Variants in MAF observed in about 807,000 individuals in gnomAD.
MAF encodes MAF bZIP transcription factor.
A neutral mutation model predicts 22.0 loss-of-function variants in MAF; 10 were observed. That is an observed-to-expected ratio of 0.45 (90% CI 0.28 to 0.77). MAF has a LOEUF of 0.77. Ranked by LOEUF, MAF falls within the 30% of genes least tolerant of loss-of-function variation. MAF has a pLI of 0.12. For synonymous variants in MAF, 337 were observed against 255.8 expected (o/e 1.32, Z -3.03); for missense variants, 544 against 548.4 (o/e 0.99, Z 0.08).
chr16:79,320,953 A>G, the MAF span, among the ~76,000 whole-genome samples: 1 of 152,220 alleles, frequency 6.6e-6, no homozygotes, highest in African/African-American at 2.4e-5. Flanking sequence ...CAGTAAATGA[A>G]GAAGATGGGA....
the MAF span, among the ~76,000 whole-genome samples, chr16:79,485,911 C>G: frequency 6.6e-6 from 1 of 152,184 alleles, no homozygotes; most frequent in East Asian, 1.9e-4. Context: ...ACTAATAAAG[C>G]ATCCAACCAA....
the MAF span, among the ~76,000 whole-genome samples, chr16:79,507,061 T>G: frequency 7.9e-5 from 12 of 152,088 alleles, no homozygotes; most frequent in Admixed American, 5.2e-4. Flanking sequence ...GCTGTTTGTG[T>G]GTACCACTAG....
chr16:79,401,540 C>G, the MAF span, among the ~76,000 whole-genome samples: 2 of 152,104 alleles, frequency 1.3e-5, no homozygotes, highest in Admixed American at 1.3e-4. Flanking sequence ...TAAATTGTTG[C>G]TCTTTCTACA....
At chr16:79,596,964 A>C (rs1913568640) in intron 1 of MAF, 6 of 1,051,698 alleles carry the variant, frequency 5.7e-6, no homozygotes, top group Non-Finnish European at 6.9e-6. Flanking sequence ...GAAAAGAAAA[A>C]AAAACATACA....
the MAF span, among the ~76,000 whole-genome samples, chr16:79,419,837 A>G: frequency 1.2e-4 from 19 of 152,238 alleles, 1 homozygote; most frequent in Middle Eastern, 3.4e-3. Flanking sequence ...TGATCTGTTC[A>G]TCCATTAACC....
chr16:79,525,108 G>A, the MAF span, among the ~76,000 whole-genome samples: 6 of 152,224 alleles, frequency 3.9e-5, no homozygotes, highest in South Asian at 8.3e-4. Flanking sequence ...CCTTCCTTAC[G>A]ATTTAACGCT....
At chr16:79,362,794 G>C in the MAF span, among the ~76,000 whole-genome samples, 1 of 152,168 alleles carries the variant, frequency 6.6e-6, no homozygotes, top group African/African-American at 2.4e-5. Flanking sequence ...GGGAACACCT[G>C]GTGCTCTACT....
chr16:79,300,033 C>G, the MAF span, among the ~76,000 whole-genome samples: 1 of 152,178 alleles, frequency 6.6e-6, no homozygotes, highest in African/African-American at 2.4e-5. Context: ...TGGCTCCCAC[C>G]TGGCGTCTCT....
chr16:79,264,272 T>C, the MAF span, among the ~76,000 whole-genome samples: 1 of 152,158 alleles, frequency 6.6e-6, no homozygotes, highest in Non-Finnish European at 1.5e-5. Flanking sequence ...TTTGGACAGT[T>C]GTAAGGGAAC....
the MAF span, among the ~76,000 whole-genome samples, chr16:79,329,765 T>C: frequency 1.8e-4 from 27 of 152,278 alleles, no homozygotes; most frequent in Non-Finnish European, 2.8e-4. Flanking sequence ...CTATAGTATA[T>C]AATCTAATTA....
At chr16:79,292,230 T>C in the MAF span, among the ~76,000 whole-genome samples, 319 of 152,188 alleles carry the variant, frequency 2.1e-3, 1 homozygote, top group African/African-American at 7.4e-3. Context: ...GTGATCAAGT[T>C]AGGGAGAAGA....
the MAF span, among the ~76,000 whole-genome samples, chr16:79,535,086 T>C: frequency 6.6e-6 from 1 of 151,674 alleles, no homozygotes; most frequent in Non-Finnish European, 1.5e-5. Context: ...ACAAAGTCAA[T>C]TTATCAATTC....
At chr16:79,233,652 G>A in the MAF span, among the ~76,000 whole-genome samples, 1 of 152,016 alleles carries the variant, frequency 6.6e-6, no homozygotes, top group African/African-American at 2.4e-5. Context: ...AACTTCCCAT[G>A]GGATGTAATA....
At chr16:79,310,977 G>A in the MAF span, among the ~76,000 whole-genome samples, 1 of 152,116 alleles carries the variant, frequency 6.6e-6, no homozygotes, top group Non-Finnish European at 1.5e-5. Flanking sequence ...GCTCCCAGGA[G>A]CGCGAGCTTC....
chr16:79,538,099 T>A, the MAF span, among the ~76,000 whole-genome samples: 1 of 152,232 alleles, frequency 6.6e-6, no homozygotes, highest in Non-Finnish European at 1.5e-5. Flanking sequence ...GGCATTATTT[T>A]TCCTTTTCAC....
At chr16:79,579,504 G>A in the MAF span, among the ~76,000 whole-genome samples, 179 of 151,982 alleles carry the variant, frequency 1.2e-3, no homozygotes, top group African/African-American at 3.9e-3. Flanking sequence ...TTAGTTTACC[G>A]ATACCAAACT....
chr16:79,386,745 G>C, the MAF span, among the ~76,000 whole-genome samples: 2 of 152,158 alleles, frequency 1.3e-5, no homozygotes, highest in Non-Finnish European at 2.9e-5. Context: ...GGTCGTGGAA[G>C]TCTCTGAGAA....
At chr16:79,322,380 C>G in the MAF span, among the ~76,000 whole-genome samples, 5 of 152,134 alleles carry the variant, frequency 3.3e-5, no homozygotes, top group Admixed American at 2.6e-4. Context: ...CTGGGTCACT[C>G]TGTGGATTCA....
the MAF span, among the ~76,000 whole-genome samples, chr16:79,408,599 C>T: frequency 2.3e-5 from 1 of 42,592 alleles, no homozygotes; most frequent in Non-Finnish European, 4.5e-5. Context: ...TTCCTTCCTT[C>T]ATTCTTGCCT....
Sources: allele counts gnomAD v4.1 joint callset (sites outside exome capture counted in the v4.1 genomes callset), GRCh38; gene constraint gnomAD v4.1.1; transcripts MANE v1.5; gene names NCBI Gene and HGNC (gene_info 2026-07-23, HGNC 2026-07-21).